Variants in PCSK5 observed in about 807,000 individuals in gnomAD.
The protein encoded by PCSK5 is proprotein convertase subtilisin/kexin type 5.
Under a neutral mutation model 233.2 loss-of-function variants are expected in PCSK5, and 129 were observed. That is an observed-to-expected ratio of 0.55 (90% CI 0.48 to 0.64). The LOEUF (loss-of-function observed/expected upper bound fraction) is 0.64. Among genes scored for constraint, PCSK5 ranks in the 30% least tolerant of loss-of-function variants. The pLI, the probability that PCSK5 is intolerant of heterozygous loss-of-function variation, is 0.00. For missense variants in PCSK5, 2,076 were observed against 2,430.1 expected (o/e 0.85, Z 3.06); for synonymous variants, 825 against 879.2 (o/e 0.94, Z 1.09).
rs1828454928 is a variant in PCSK5, at chr9:76,027,044, C to T, written c.632+7C>T. 3 of 1,592,416 alleles carry T rather than the reference C, an allele frequency of 1.9e-6. No homozygotes were observed. Among genetic ancestry groups the T allele is most frequent in the Middle Eastern group, 1.7e-4 (1 of 6,024 alleles). ...ATGCAAGCAACGAGAACAAGTAAGG[C>T]CCAAGTGAGGGGTGGCTGGCATGTG... On this transcript the variant is annotated splice_region_variant and intron_variant, in intron 5 of 37. Transcript: ENST00000674117.
chr9:76,277,730 G>C (rs1292849804), intron 24 of PCSK5, among the ~76,000 whole-genome samples: 1 of 152,150 alleles, frequency 6.6e-6, no homozygotes, highest in African/African-American at 2.4e-5. Flanking sequence ...AGAAAAATCA[G>C]CTTTGGCAAA....
intron 24 of PCSK5, among the ~76,000 whole-genome samples, chr9:76,247,563 A>T (rs1176720652): frequency 2.0e-5 from 3 of 152,200 alleles, no homozygotes; most frequent in African/African-American, 7.2e-5. Flanking sequence ...TCACCTTCCC[A>T]GCTAGGCTTA....
rs1295178792 is a variant in PCSK5 at position 76,071,720 on chromosome 9, T to A, written c.722-6T>A. ...TAATGAGCTAGTTCTCCTTTCTGTG[T>A]TGAAGGAGTGCGAATGCTGGACGGA... On this transcript the variant is annotated splice_polypyrimidine_tract_variant and splice_region_variant and intron_variant, in intron 6 of 37. Coordinates refer to ENST00000674117, the MANE Select transcript of PCSK5 (RefSeq NM_001372043.1). 2 of 1,609,618 alleles carry A rather than the reference T, an allele frequency of 1.2e-6. No individual in the cohort carries two copies. Among genetic ancestry groups the A allele is most frequent in the South Asian group, 2.2e-5 (2 of 90,396 alleles).
chr9:76,264,219 A>G (rs1044095978), intron 24 of PCSK5, among the ~76,000 whole-genome samples: 3 of 152,198 alleles, frequency 2.0e-5, no homozygotes, highest in Admixed American at 6.5e-5. Flanking sequence ...AGCACTTCCT[A>G]TTTGATAAAT....
At chr9:76,126,443 G>T (rs762254949) in intron 9 of PCSK5, among the ~76,000 whole-genome samples, 1 of 152,042 alleles carries the variant, frequency 6.6e-6, no homozygotes, top group Non-Finnish European at 1.5e-5. Flanking sequence ...GAGAAATCCC[G>T]TCTCTACTAA....
intron 8 of PCSK5, among the ~76,000 whole-genome samples, chr9:76,103,814 T>TG (rs1393984759): frequency 6.6e-6 from 1 of 152,218 alleles, no homozygotes; most frequent in African/African-American, 2.4e-5. Flanking sequence ...TTGAGCAATC[T>TG]GAGAAGTTCT....
At chr9:76,227,229 T>C (rs1825923746) in intron 20 of PCSK5, among the ~76,000 whole-genome samples, 1 of 152,226 alleles carries the variant, frequency 6.6e-6, no homozygotes, top group Non-Finnish European at 1.5e-5. Context: ...CCTTCCCTAC[T>C]TATAAAATCT....
At chr9:76,272,024 A>G (rs1391073621) in intron 24 of PCSK5, among the ~76,000 whole-genome samples, 1 of 152,174 alleles carries the variant, frequency 6.6e-6, no homozygotes, top group Non-Finnish European at 1.5e-5. Flanking sequence ...TACATCTGCA[A>G]AGACCCTATT....
At chr9:75,994,809 CAAAGA>C (rs1169780640) in intron 3 of PCSK5, among the ~76,000 whole-genome samples, 3 of 152,160 alleles carry the variant, frequency 2.0e-5, no homozygotes, top group African/African-American at 7.2e-5. Context: ...AGCAACCAAC[CAAAGA>C]AAACACCTCC....
At chr9:76,236,316 C>T (rs1214775207) in intron 22 of PCSK5, among the ~76,000 whole-genome samples, 1 of 152,170 alleles carries the variant, frequency 6.6e-6, no homozygotes, top group Admixed American at 6.5e-5. Context: ...TGCTGGTCCA[C>T]TTTCTCACCT....
chr9:76,036,471 C>T lies in PCSK5; in HGVS notation c.632+9434C>T, dbSNP rs1828863997. ...TTTAGAGGAGACCTAGGTACCAGCC[C>T]CAGCCTTTTTATTGACTATGTCTGT... is the stretch of plus-strand genomic sequence containing the variant. On this transcript the variant is annotated intron_variant, in intron 5 of 37. Coordinates refer to ENST00000674117, the MANE Select transcript of PCSK5 (RefSeq NM_001372043.1). 2.0e-5 allele frequency among the ~76,000 whole-genome samples: 3 copies of T among 152,094 alleles called. No individual in the cohort carries two copies. In the South Asian group the frequency reaches 6.2e-4, roughly 32 times the overall value.
At chr9:76,032,505 C>T (rs1378193592) in intron 5 of PCSK5, among the ~76,000 whole-genome samples, 2 of 152,124 alleles carry the variant, frequency 1.3e-5, no homozygotes, top group East Asian at 3.9e-4. Context: ...AGGAAATCAC[C>T]TCTGAAGTAC....
rs5898445 is a variant in PCSK5, at chr9:76,040,385, G to GTCTCTC, written c.632+13371_632+13376dup. Among the ~76,000 whole-genome samples, 467 of 80,602 alleles carry GTCTCTC rather than the reference G, an allele frequency of 5.8e-3. 10 individuals carry two copies. The highest frequency in any genetic ancestry group is 0.016 in the East Asian group (38 of 2,308). 52.9% of individuals were successfully genotyped at this position (80,602 alleles called of 152,430 possible). A position where few individuals can be genotyped will look rare whatever the true frequency, so the allele number is the denominator to read the frequency against. On this transcript the variant is annotated intron_variant, in intron 5 of 37. Coordinates refer to ENST00000674117, the MANE Select transcript of PCSK5 (RefSeq NM_001372043.1). ...TCTCTCTCTCTCTCTCTCTCTCTCT[G>GTCTCTC]TCTCTCTCTCTCTCTCTCTCTCTCT...
At chr9:76,312,248 C>T (rs759506523) in intron 30 of PCSK5, among the ~76,000 whole-genome samples, 43 of 152,158 alleles carry the variant, frequency 2.8e-4, no homozygotes, top group Non-Finnish European at 5.9e-4. Flanking sequence ...TGGTGGCTCA[C>T]GCCTGTAATC....
intron 23 of PCSK5, among the ~76,000 whole-genome samples, chr9:76,239,753 C>T (rs532390917): frequency 4.0e-5 from 6 of 151,082 alleles, no homozygotes; most frequent in Admixed American, 1.3e-4. Context: ...ATGATCTTGG[C>T]GGGTGGGGGG....
intron 37 of PCSK5, among the ~76,000 whole-genome samples, chr9:76,355,132 A>C (rs1442786595): frequency 6.6e-6 from 1 of 152,112 alleles, no homozygotes; most frequent in Non-Finnish European, 1.5e-5. Context: ...CTTGGTTCTC[A>C]TTGGTCACAA....
chr9:76,158,927 C>G, intron 11 of PCSK5, 56 bp from the exon 12 acceptor site: 1 of 1,441,344 alleles, frequency 6.9e-7, no homozygotes, highest in Non-Finnish European at 9.7e-7. Flanking sequence ...TCCAGGTTCA[C>G]TCACCTGAGC....
chr9:76,172,036 T>C (rs1044896698), intron 13 of PCSK5, among the ~76,000 whole-genome samples: 1 of 152,142 alleles, frequency 6.6e-6, no homozygotes, highest in Non-Finnish European at 1.5e-5. Flanking sequence ...GTTACATCAG[T>C]AAGCGAATAG....
At position 76,320,468 on chromosome 9, in the gene PCSK5, T is replaced by C. The variant is rs79214530; in HGVS notation, c.3885-954T>C. 3.2e-3 allele frequency among the ~76,000 whole-genome samples: 204 copies of C among 62,968 alleles called. 2 individuals carry two copies. The highest frequency in any genetic ancestry group is 7.8e-3 in the Middle Eastern group (1 of 128). The allele number at this position is 62,968 out of a possible 152,430, so 41.3% of individuals were successfully genotyped here. A position where few individuals can be genotyped will look rare whatever the true frequency, so the allele number is the denominator to read the frequency against. On this transcript the variant is annotated intron_variant, in intron 30 of 37. Coordinates refer to ENST00000674117, the MANE Select transcript of PCSK5 (RefSeq NM_001372043.1). ...AAAAAAAAAAAGTACATTGTAGCTT[T>C]TTTTTTTTTTTTTTTTTTGAGACAG... is the stretch of plus-strand genomic sequence containing the variant.
Sources: allele counts gnomAD v4.1 joint callset (sites outside exome capture counted in the v4.1 genomes callset), GRCh38; gene constraint gnomAD v4.1.1; transcripts MANE v1.5; gene names NCBI Gene and HGNC (gene_info 2026-07-23, HGNC 2026-07-21).